Variants in SPATA22 observed in about 807,000 individuals in gnomAD.
The protein encoded by SPATA22 is spermatogenesis associated 22, also known as spermatogenesis-associated protein 22.
In SPATA22, 29 loss-of-function variants were observed where a neutral mutation model predicts 47.8. That is an observed-to-expected ratio of 0.61 (90% CI 0.45 to 0.83). The LOEUF is 0.83. Among genes scored for constraint, SPATA22 ranks in the 40% least tolerant of loss-of-function variants. The probability of loss-of-function intolerance (pLI) is 0.00; values close to 1 mark genes in which losing one functional copy is unlikely to be tolerated. For missense variants in SPATA22, 410 were observed against 421.7 expected (o/e 0.97, Z 0.24); for synonymous variants, 133 against 140.9 (o/e 0.94, Z 0.40).
intron 1 of SPATA22, among the ~76,000 whole-genome samples, chr17:3,478,658 A>G (rs1315360572): frequency 6.6e-6 from 1 of 152,184 alleles, no homozygotes; most frequent in Non-Finnish European, 1.5e-5. Context: ...TTTTCACTTA[A>G]ATTCACTTTC....
At chr17:3,459,400 T>A (rs537557746) in intron 5 of SPATA22, among the ~76,000 whole-genome samples, 23 of 152,244 alleles carry the variant, frequency 1.5e-4, no homozygotes, top group African/African-American at 5.3e-4. Context: ...ATATATATAA[T>A]TTTTTTTAAA....
rs1416131734 is a variant in SPATA22, at chr17:3,455,020, T to C, written c.330-5871A>G. Among the ~76,000 whole-genome samples the C allele has an allele frequency of 1.6e-3, 251 of 152,222 alleles. 1 individual carries two copies. Among genetic ancestry groups the C allele is most frequent in the Non-Finnish European group, 2.8e-3 (193 of 67,966 alleles). On this transcript the variant is annotated intron_variant, in intron 5 of 8. Coordinates refer to ENST00000572969, the MANE Select transcript of SPATA22 (RefSeq NM_001170698.2). The stretch of plus-strand genomic sequence containing the variant: ...ACTGGTGTGAGATGGTATCTCATTG[T>C]GGTTTTGATTTGCATTTCTCTGATG...
intron 1 of SPATA22, among the ~76,000 whole-genome samples, chr17:3,470,018 G>A (rs1245848105): frequency 4.7e-5 from 7 of 148,218 alleles, no homozygotes; most frequent in African/African-American, 1.3e-4. Context: ...GCTTGAGCCC[G>A]AGAGGCCGAG....
intron 1 of SPATA22, chr17:3,510,969 C>T (rs1407876437): frequency 6.6e-6 from 1 of 152,248 alleles, no homozygotes; most frequent in Non-Finnish European, 1.5e-5. Context: ...ACAGATATAT[C>T]ACATAATGTC....
At chr17:3,468,499 G>C (rs1023684684) in intron 2 of SPATA22, 3 of 152,236 alleles carry the variant, frequency 2.0e-5, no homozygotes, top group African/African-American at 7.2e-5. Flanking sequence ...TCTGGAATCA[G>C]ACCGCCTAGG....
intron 6 of SPATA22, among the ~76,000 whole-genome samples, chr17:3,448,475 G>A (rs1291621351): frequency 6.6e-6 from 1 of 152,084 alleles, no homozygotes; most frequent in Non-Finnish European, 1.5e-5. Flanking sequence ...GACCTCTGTT[G>A]AAAAATACTT....
At position 3,490,856 on chromosome 17, in the gene SPATA22, C is replaced by T. The variant is rs975790987; in HGVS notation, c.-73-21458G>A. On this transcript the variant is annotated intron_variant, in intron 1 of 8. Coordinates refer to the SPATA22 transcript ENST00000541913. This position sits in a 1 kb window ranked among gnomAD's most constrained non-coding sequence, Gnocchi z 4.6. ...GGAGAAAAGCAGTTCCTGGAACACCCCACCCCTTAACCCCTTATCTCTGCT... is the reference window on the plus strand; with the variant it reads ...GGAGAAAAGCAGTTCCTGGAACACCTCACCCCTTAACCCCTTATCTCTGCT... 2.0e-5 allele frequency among the ~76,000 whole-genome samples: 3 copies of T among 152,134 alleles called. No individual in the cohort carries two copies. The South Asian group carries it at 6.2e-4, about 31-fold the overall frequency.
intron 5 of SPATA22, among the ~76,000 whole-genome samples, chr17:3,460,140 C>T (rs1462410920): frequency 1.3e-5 from 2 of 152,018 alleles, no homozygotes; most frequent in Admixed American, 6.6e-5. Flanking sequence ...TAATGATAGA[C>T]AAGACAGCAC....
chr17:3,513,445 G>A (rs1330355371), exon 1 of SPATA22: 1 of 157,238 alleles, frequency 6.4e-6, no homozygotes, highest in African/African-American at 2.4e-5. Context: ...ATGGGATCAC[G>A]GGTCTCCCAC....
intron 5 of SPATA22, among the ~76,000 whole-genome samples, chr17:3,451,404 C>A (rs2072856818): frequency 6.6e-6 from 1 of 151,994 alleles, no homozygotes; most frequent in African/African-American, 2.4e-5. Context: ...GATAAATCAT[C>A]CAGACAGAAA....
At chr17:3,511,284 T>C (rs899758999) in intron 1 of SPATA22, 3 of 152,000 alleles carry the variant, frequency 2.0e-5, no homozygotes, top group African/African-American at 4.8e-5. Context: ...CCTGAGAAAA[T>C]AGTCCTGCCC....
chr17:3,440,349 A>T lies in SPATA22; in HGVS notation c.901-11T>A, dbSNP rs1186926320. On this transcript the variant is annotated splice_polypyrimidine_tract_variant and intron_variant, in intron 8 of 8. Transcript: ENST00000572969. ...CGGAAGTTCACGATCCTGTTTTTCA[A>T]AAAATAAGTATCAAAAAATAGTTAT... 1 of 1,494,420 alleles carries T rather than the reference A, an allele frequency of 6.7e-7. No homozygotes were observed. The allele number at this position is 1,494,420 out of a possible 1,614,324, so 92.6% of individuals were successfully genotyped here. A position where few individuals can be genotyped will look rare whatever the true frequency, so the allele number is the denominator to read the frequency against.
At chr17:3,496,183 G>A (rs2073905178) in intron 1 of SPATA22, among the ~76,000 whole-genome samples, 1 of 152,146 alleles carries the variant, frequency 6.6e-6, no homozygotes. Flanking sequence ...GGTTAATTCT[G>A]CCAACAAATA....
upstream of SPATA22, among the ~76,000 whole-genome samples, chr17:3,476,673 G>A (rs1329992167): frequency 6.6e-6 from 1 of 152,096 alleles, no homozygotes; most frequent in African/African-American, 2.4e-5. Context: ...ATAGAAAAGG[G>A]TTTTGTTTTA....
Position 3,471,683 on chromosome 17 carries a change from G to T in SPATA22, c.-75C>A. 3 of 985,076 alleles carry T rather than the reference G, an allele frequency of 3.0e-6. No homozygotes were observed. Among genetic ancestry groups the T allele is most frequent in the Non-Finnish European group, 3.6e-6 (3 of 829,968 alleles). The allele number at this position is 985,076 out of a possible 1,614,324, so 61.0% of individuals were successfully genotyped here. ...GGGGGCAGTTTGGTATCAACGCACA[G>T]TCTTTCCCTTCTAGGCCCTCCTGCC... On this transcript the variant is annotated splice_region_variant and 5_prime_UTR_variant, in exon 1 of 9. In the 5' UTR this introduces an upstream ATG that the reference lacks. Coordinates refer to ENST00000572969, the MANE Select transcript of SPATA22 (RefSeq NM_001170698.2).
rs892723694 is a variant in SPATA22, at chr17:3,482,781, AT to A, written c.-73-13384del. 1.1e-4 allele frequency among the ~76,000 whole-genome samples: 16 copies of A among 148,592 alleles called. 1 individual carries two copies. The highest frequency in any genetic ancestry group is 2.1e-4 in the Non-Finnish European group (14 of 67,110). ...AATGTAGCGATTCTTTTTTTTTTTA[AT>A]TTTTTTTAAATTTTATTACTATTAT... On this transcript the variant is annotated intron_variant, in intron 1 of 8. Transcript: ENST00000541913.
intron 1 of SPATA22, among the ~76,000 whole-genome samples, chr17:3,504,271 C>G (rs1173186221): frequency 6.6e-6 from 1 of 152,180 alleles, no homozygotes; most frequent in East Asian, 1.9e-4. Context: ...GTGTCTTTTT[C>G]GATGTCTACA....
intron 1 of SPATA22, among the ~76,000 whole-genome samples, chr17:3,496,771 A>C (rs1250188827): frequency 6.6e-6 from 1 of 152,168 alleles, no homozygotes; most frequent in Non-Finnish European, 1.5e-5. Context: ...AGCTTTTTAA[A>C]AATGCTGATT....
intron 1 of SPATA22, among the ~76,000 whole-genome samples, chr17:3,486,827 T>C (rs924316675): frequency 1.3e-5 from 2 of 152,212 alleles, no homozygotes; most frequent in African/African-American, 4.8e-5. Flanking sequence ...TATGCCATCT[T>C]TGGTGGCCCT....
Sources: gnomAD v4.1 joint callset for allele counts (sites outside exome capture counted in the v4.1 genomes callset) on GRCh38, gnomAD v4.1.1 for gene constraint, Gnocchi (gnomAD v3.1) non-coding constraint, MANE v1.5 for transcripts, NCBI Gene and HGNC (gene_info 2026-07-23, HGNC 2026-07-21) for gene names.